The following GALNTL6 variants were observed in gnomAD, a reference collection of about 807,000 sequenced individuals.
GALNTL6 encodes the protein polypeptide N-acetylgalactosaminyltransferase-like 6.
A neutral mutation model predicts 73.7 loss-of-function variants in GALNTL6; 46 were observed. The ratio of observed to expected loss-of-function variants is 0.62; its 90% confidence interval spans 0.49 to 0.80. The LOEUF (loss-of-function observed/expected upper bound fraction) is 0.80, where lower values mean the gene tolerates loss of function less well. GALNTL6 is among the 30% of genes least tolerant of loss of function. The pLI, the probability that GALNTL6 is intolerant of heterozygous loss-of-function variation, is 0.00. For missense variants in GALNTL6, 604 were observed against 755.0 expected (o/e 0.80, Z 2.34); for synonymous variants, 259 against 263.7 (o/e 0.98, Z 0.17).
chr4:172,592,190 A>G (rs1289077087), intron 5 of GALNTL6, among the ~76,000 whole-genome samples: 3 of 152,206 alleles, frequency 2.0e-5, no homozygotes, highest in African/African-American at 7.2e-5. Flanking sequence ...TGTGGCATCA[A>G]AACATGGCAG....
chr4:172,924,246 T>C (rs1279198971), intron 8 of GALNTL6, among the ~76,000 whole-genome samples: 8 of 152,198 alleles, frequency 5.3e-5, no homozygotes, highest in Admixed American at 5.2e-4. Flanking sequence ...CTGCTCCCTC[T>C]TTCCCTTCAT....
intron 5 of GALNTL6, among the ~76,000 whole-genome samples, chr4:172,732,446 G>A (rs1396736229): frequency 6.6e-6 from 1 of 152,036 alleles, no homozygotes; most frequent in South Asian, 2.1e-4. Context: ...GTTTTTGAGG[G>A]CAGAATATAA....
intron 10 of GALNTL6, among the ~76,000 whole-genome samples, chr4:173,005,433 C>T (rs1752232529): frequency 6.6e-6 from 1 of 152,044 alleles, no homozygotes; most frequent in African/African-American, 2.4e-5. Context: ...AGTTTGGGCC[C>T]ATGTGTATGT....
intron 7 of GALNTL6, among the ~76,000 whole-genome samples, chr4:172,868,086 T>A (rs114064119): frequency 6.6e-6 from 1 of 152,192 alleles, no homozygotes; most frequent in Non-Finnish European, 1.5e-5. Flanking sequence ...TAGCAGTGAA[T>A]AGAATGAGCT....
intron 2 of GALNTL6, among the ~76,000 whole-genome samples, chr4:171,962,764 A>T (rs374085907): frequency 6.9e-4 from 20 of 29,180 alleles, no homozygotes; most frequent in Non-Finnish European, 6.1e-4. Context: ...GCTTGCTTTT[A>T]CTTTTTTTTT....
intron 8 of GALNTL6, among the ~76,000 whole-genome samples, chr4:172,909,143 GAAC>G (rs1362660777): frequency 6.6e-6 from 1 of 151,340 alleles, no homozygotes; most frequent in African/African-American, 2.4e-5. Context: ...CGATAGTACA[GAAC>G]AACTACCCAT....
intron 11 of GALNTL6, among the ~76,000 whole-genome samples, chr4:173,014,158 AC>A (rs2126502791): frequency 1.3e-5 from 2 of 152,352 alleles, no homozygotes; most frequent in South Asian, 4.1e-4. Flanking sequence ...GCTGCAGAAC[AC>A]TGGTGGTGAC....
intron 5 of GALNTL6, among the ~76,000 whole-genome samples, chr4:172,366,687 A>C (rs1019184979): frequency 2.0e-5 from 3 of 152,112 alleles, no homozygotes; most frequent in Non-Finnish European, 2.9e-5. Context: ...GTGAATAATC[A>C]TCCTCCTCCC....
intron 5 of GALNTL6, among the ~76,000 whole-genome samples, chr4:172,698,687 G>A (rs980183975): frequency 1.3e-5 from 2 of 152,180 alleles, no homozygotes; most frequent in East Asian, 1.9e-4. Context: ...TGGGGAATGG[G>A]AGTCACATAA....
chr4:172,182,927 T>C (rs557656611), intron 2 of GALNTL6, among the ~76,000 whole-genome samples: 39 of 152,244 alleles, frequency 2.6e-4, no homozygotes, highest in African/African-American at 9.4e-4. Flanking sequence ...ATTATATAAT[T>C]CAAAGAACGC....
At chr4:172,337,696 T>G in intron 4 of GALNTL6, among the ~76,000 whole-genome samples, 1 of 93,660 alleles carries the variant, frequency 1.1e-5, no homozygotes, top group Admixed American at 1.2e-4. Context: ...CTTTAAGGTT[T>G]TTTGTTTTTT....
chr4:172,076,396 A>G (rs1731705447), intron 2 of GALNTL6, among the ~76,000 whole-genome samples: 1 of 152,224 alleles, frequency 6.6e-6, no homozygotes, highest in Admixed American at 6.5e-5. Flanking sequence ...CACTGATGGG[A>G]TAATAACATT....
chr4:172,759,885 G>T (rs1449691295), intron 5 of GALNTL6, among the ~76,000 whole-genome samples: 1 of 130,060 alleles, frequency 7.7e-6, no homozygotes, highest in Non-Finnish European at 1.5e-5. Flanking sequence ...GCCGGACTGC[G>T]GACTGCAGTG....
chr4:172,594,219 G>T (rs1212913829), intron 5 of GALNTL6, among the ~76,000 whole-genome samples: 1 of 151,986 alleles, frequency 6.6e-6, no homozygotes, highest in African/African-American at 2.4e-5. Context: ...AGTGGTGGGC[G>T]CCTGAAATCC....
chr4:172,069,956 A>C (rs1456883797), intron 2 of GALNTL6, among the ~76,000 whole-genome samples: 1 of 108,000 alleles, frequency 9.3e-6, no homozygotes, highest in Non-Finnish European at 2.0e-5. Flanking sequence ...GCTGGGTAAG[A>C]AGGTAATAGA....
chr4:172,567,334 T>C (rs928980045), intron 5 of GALNTL6, among the ~76,000 whole-genome samples: 1 of 152,070 alleles, frequency 6.6e-6, no homozygotes, highest in Non-Finnish European at 1.5e-5. Flanking sequence ...TGAAATAATA[T>C]CACTAAACCT....
At chr4:172,883,576 G>A (rs1368731426) in intron 8 of GALNTL6, among the ~76,000 whole-genome samples, 1 of 152,166 alleles carries the variant, frequency 6.6e-6, no homozygotes, top group Admixed American at 6.5e-5. Context: ...ATGGCGCTAA[G>A]CCTAATTCTT....
At chr4:172,700,353 T>A (rs1733956842) in intron 5 of GALNTL6, among the ~76,000 whole-genome samples, 1 of 152,120 alleles carries the variant, frequency 6.6e-6, no homozygotes, top group Non-Finnish European at 1.5e-5. Flanking sequence ...AAAAACAACA[T>A]GAAGGAATGT....
intron 11 of GALNTL6, among the ~76,000 whole-genome samples, chr4:173,015,678 A>G (rs77641772): frequency 0.017 from 2,536 of 152,268 alleles, 81 homozygotes; most frequent in African/African-American, 0.058. Flanking sequence ...CTAAGTAGCA[A>G]AGCATTCAGG....
Sources: allele counts gnomAD v4.1 joint callset (sites outside exome capture counted in the v4.1 genomes callset), GRCh38; gene constraint gnomAD v4.1.1; transcripts MANE v1.5; gene names NCBI Gene and HGNC (gene_info 2026-07-23, HGNC 2026-07-21).